Variants in HIPK4 observed in about 807,000 individuals in gnomAD.
HIPK4 encodes homeodomain interacting protein kinase 4.
A neutral mutation model predicts 44.8 loss-of-function variants in HIPK4; 26 were observed. The ratio of observed to expected loss-of-function variants is 0.58; its 90% confidence interval spans 0.43 to 0.80. The LOEUF (loss-of-function observed/expected upper bound fraction) is 0.80, where lower values mean the gene tolerates loss of function less well. Ranked by LOEUF, HIPK4 falls within the 30% of genes least tolerant of loss-of-function variation. HIPK4 has a pLI of 0.00. For missense variants in HIPK4, 729 were observed against 862.6 expected, an observed-to-expected ratio of 0.85 and a Z score of 1.94; for synonymous variants, 340 against 355.5, an observed-to-expected ratio of 0.96 and a Z score of 0.49.
intron 1 of HIPK4, among the ~76,000 whole-genome samples, chr19:40,388,582 C>A (rs1210306678): frequency 5.3e-5 from 8 of 152,154 alleles, no homozygotes; most frequent in Non-Finnish European, 8.8e-5. Flanking sequence ...CCTCTTGGGG[C>A]AGAATAATCC....
Position 40,389,706 on chromosome 19 carries a change from T to G in HIPK4, c.197A>C (p.Asp66Ala). 2 of 1,614,144 alleles carry G rather than the reference T, an allele frequency of 1.2e-6. No homozygotes were observed. The highest frequency in any genetic ancestry group is 1.7e-6 in the Non-Finnish European group (2 of 1,180,012). Residue 66 changes from aspartate to alanine, a missense_variant, in exon 1 of 4, where the codon GAC (aspartate) becomes GCC (alanine). By Grantham distance (126) the Asp-to-Ala change is moderately radical (BLOSUM62 -2). Around this residue, in one of 2 missense-constraint regions of HIPK4, gnomAD observed 196 missense variants for 295.1 expected, o/e 0.66. Coordinates refer to ENST00000291823, the MANE Select transcript of HIPK4 (RefSeq NM_144685.5). This position sits in a 1 kb window ranked among gnomAD's most constrained non-coding sequence, Gnocchi z 4.6. The part of the protein sequence containing the change: ...LKLLHCMRGL[D>A]PEEAHVIRFL... ...GCGGATGACGTGGGCCTCTTCAGGG[T>G]CTAGGCCTCGCATGCAGTGCAGCAG...
In HIPK4 at chr19:40,380,050, A is replaced by G. The variant is rs1268702200; in HGVS notation, c.1668+273T>C. 6.6e-6 allele frequency among the ~76,000 whole-genome samples: 1 copy of G among 152,086 alleles called. No homozygotes were observed. Among genetic ancestry groups the G allele is most frequent in the East Asian group, 1.9e-4 (1 of 5,180 alleles). On this transcript the variant is annotated intron_variant, in intron 3 of 3. Coordinates refer to ENST00000291823, the MANE Select transcript of HIPK4 (RefSeq NM_144685.5). The surrounding 1 kb of genome is among the most constrained non-coding windows in gnomAD (Gnocchi z 4.2). ...AATTTTTTGGTGCAGACGGGATCTCACTATGTTGCCCAGGCTCTTTATCAA... is the reference window on the plus strand; with the variant it reads ...AATTTTTTGGTGCAGACGGGATCTCGCTATGTTGCCCAGGCTCTTTATCAA...
rs1286419379 is a variant in HIPK4, at chr19:40,389,914, T to C, written c.-12A>G. 6.3e-7 allele frequency: 1 copy of C among 1,594,896 alleles called. No individual in the cohort carries two copies. The highest frequency in any genetic ancestry group is 8.5e-7 in the Non-Finnish European group (1 of 1,173,800). ...TGGATGGTGGACATGGTGCCGCTGC[T>C]GCCAGACACCGCCCTGCCCAGGCCC... is the stretch of plus-strand genomic sequence containing the variant. On this transcript the variant is annotated 5_prime_UTR_variant, in exon 1 of 4. Coordinates refer to ENST00000291823, the MANE Select transcript of HIPK4 (RefSeq NM_144685.5). This position sits in a 1 kb window ranked among gnomAD's most constrained non-coding sequence, Gnocchi z 4.6.
rs1007484808 is a variant in HIPK4, at chr19:40,384,215, T to C, written c.466-76A>G. ...GCCGAGCTGGGCCACCCCGGCATCTTTCACCTGGCATCTTCCTGCATCTGC... is the reference window on the plus strand; with the variant it reads ...GCCGAGCTGGGCCACCCCGGCATCTCTCACCTGGCATCTTCCTGCATCTGC... On this transcript the variant is annotated intron_variant, in intron 1 of 3. Coordinates refer to ENST00000291823, the MANE Select transcript of HIPK4 (RefSeq NM_144685.5). 6.4e-5 allele frequency: 73 copies of C among 1,134,356 alleles called. 1 individual carries two copies. Among genetic ancestry groups the C allele is most frequent in the Admixed American group, 1.6e-4 (7 of 44,192 alleles). The allele number at this position is 1,134,356 out of a possible 1,614,324, so 70.3% of individuals were successfully genotyped here.
Position 40,380,707 on chromosome 19 carries a change from C to T in HIPK4, c.1284G>A (p.Gln428=). The T allele has an allele frequency of 6.2e-7, 1 of 1,614,136 alleles. No individual in the cohort carries two copies. The highest frequency in any genetic ancestry group is 1.1e-5 in the South Asian group (1 of 91,088). Residue 428 remains glutamine (Q), a synonymous_variant, in exon 3 of 4, where the codon CAG becomes CAA. Coordinates refer to ENST00000291823, the MANE Select transcript of HIPK4 (RefSeq NM_144685.5). This position sits in a 1 kb window ranked among gnomAD's most constrained non-coding sequence, Gnocchi z 4.2. ...KAPGMQRAID[Q]LDDLSLQEAG... ...CCTCCTGCAGACTCAGGTCATCCAG[C>T]TGGTCGATGGCTCTTTGCATACCTG...
intron 2 of HIPK4, among the ~76,000 whole-genome samples, chr19:40,382,758 A>T (rs1249809457): frequency 6.6e-6 from 1 of 151,598 alleles, no homozygotes; most frequent in Non-Finnish European, 1.5e-5. Flanking sequence ...TTAAAAAAAT[A>T]TTTTTTTGGC....
At position 40,389,962 on chromosome 19, in the gene HIPK4, C is replaced by T. The variant is rs1033745148; in HGVS notation, c.-60G>A. Reference sequence around the variant, plus strand: ...CCCCTGTACCACTGGCTCTGCCGCCCAGGCCTCCCGCCTGGCTGCTGACAC... The same window carrying T: ...CCCCTGTACCACTGGCTCTGCCGCCTAGGCCTCCCGCCTGGCTGCTGACAC... On this transcript the variant is annotated 5_prime_UTR_variant, in exon 1 of 4. Coordinates refer to ENST00000291823, the MANE Select transcript of HIPK4 (RefSeq NM_144685.5). The surrounding 1 kb of genome is among the most constrained non-coding windows in gnomAD (Gnocchi z 4.6). 3.7e-6 allele frequency: 5 copies of T among 1,364,898 alleles called. No homozygotes were observed. The highest frequency in any genetic ancestry group is 5.0e-6 in the Non-Finnish European group (5 of 992,586). The allele number at this position is 1,364,898 out of a possible 1,614,324, so 84.5% of individuals were successfully genotyped here.
In HIPK4 at chr19:40,380,525, C is replaced by T. The variant is rs771162709; in HGVS notation, c.1466G>A (p.Arg489His). The change falls in exon 3 of 4, where the codon CGC becomes CAC. Residue 489 changes from arginine (R) to histidine (H), a missense_variant. By Grantham distance (29) the Arg-to-His change is conservative. Around this residue, in one of 2 missense-constraint regions of HIPK4, gnomAD observed 533 missense variants for 567.5 expected, o/e 0.94. Coordinates refer to ENST00000291823, the MANE Select transcript of HIPK4 (RefSeq NM_144685.5). This position sits in a 1 kb window ranked among gnomAD's most constrained non-coding sequence, Gnocchi z 4.2. ...SSRLAGRHKARKPPAGSKSDS... is the reference protein window; with the variant it reads ...SSRLAGRHKAHKPPAGSKSDS... ...GGACTTGGAACCCGCAGGTGGCTTG[C>T]GGGCCTTGTGGCGGCCTGCCAGGCG... 1.1e-5 allele frequency: 17 copies of T among 1,612,060 alleles called. No homozygotes were observed. Among genetic ancestry groups the T allele is most frequent in the African/African-American group, 1.3e-5 (1 of 74,946 alleles).
intron 1 of HIPK4, among the ~76,000 whole-genome samples, chr19:40,388,014 T>TG (rs1219230489): frequency 2.3e-4 from 1 of 4,410 alleles, no homozygotes; most frequent in East Asian, 0.014. Context: ...TTTAGTTTAG[T>TG]TTTTTTTTTT....
chr19:40,384,144 C>T lies in HIPK4; in HGVS notation c.466-5G>A, dbSNP rs141146445. ...GGCGGATCCGAAGTCAATCACCTGTCGGGGGTGGGGAAGAGGGCGAGTGGG... is the reference window on the plus strand; with the variant it reads ...GGCGGATCCGAAGTCAATCACCTGTTGGGGGTGGGGAAGAGGGCGAGTGGG... On this transcript the variant is annotated splice_polypyrimidine_tract_variant and splice_region_variant and intron_variant, in intron 1 of 3. Transcript: ENST00000291823. The T allele has an allele frequency of 7.5e-4, 1,180 of 1,564,680 alleles. 13 individuals are homozygous for T. The South Asian group carries it at 9.4e-3, about 13-fold the overall frequency.
At position 40,389,744 on chromosome 19, in the gene HIPK4, C is replaced by G. The variant is rs17853310; in HGVS notation, c.159G>C (p.Lys53Asn). Residue 53 changes from lysine (K) to asparagine (N), a missense_variant, in exon 1 of 4, where the codon AAG becomes AAC. Physicochemically the swap from Lys to Asn is moderately conservative, Grantham distance 94. This residue lies in a region of HIPK4 where 196 missense variants were observed against 295.1 expected (regional missense o/e 0.66). Coordinates refer to ENST00000291823, the MANE Select transcript of HIPK4 (RefSeq NM_144685.5). The surrounding 1 kb of genome is among the most constrained non-coding windows in gnomAD (Gnocchi z 4.6). ...TGCAGTGCAGCAGCTTCAGCTCGTTCTTGATGATGCGGTTGCGGTAGGCGT... is the reference window on the plus strand; with the variant it reads ...TGCAGTGCAGCAGCTTCAGCTCGTTGTTGATGATGCGGTTGCGGTAGGCGT... ...KNDAYRNRII[K>N]NELKLLHCMR... 1.2e-6 allele frequency: 2 copies of G among 1,614,238 alleles called. No individual in the cohort carries two copies. The highest frequency in any genetic ancestry group is 1.7e-6 in the Non-Finnish European group (2 of 1,180,044).
Position 40,380,577 on chromosome 19 carries a change from C to T in HIPK4, c.1414G>A (p.Glu472Lys). The change falls in exon 3 of 4, where the codon GAG becomes AAG. Residue 472 changes from glutamate to lysine, a missense_variant. Coordinates refer to ENST00000291823, the MANE Select transcript of HIPK4 (RefSeq NM_144685.5). The surrounding 1 kb of genome is among the most constrained non-coding windows in gnomAD (Gnocchi z 4.2). The part of the protein sequence containing the change: ...TGHHVPDSGP[E>K]PILAFYSSRL... ...CTGCTGTAGAAGGCCAGGATGGGCT[C>T]AGGGCCCGAGTCGGGCACATGGTGG... 6.2e-7 allele frequency: 1 copy of T among 1,612,764 alleles called. No individual in the cohort carries two copies. Among genetic ancestry groups the T allele is most frequent in the Non-Finnish European group, 8.5e-7 (1 of 1,179,874 alleles).
Position 40,389,623 on chromosome 19 carries a change from G to A in HIPK4, c.280C>T (p.Gln94Ter). ...KFYLVFELLE[Q>*]NLFEFQKENN... ...TCCTTCTGGAACTCGAAAAGGTTTT[G>A]CTCCAGCAGCTCAAAGACCAGGTAG... is the stretch of plus-strand genomic sequence containing the variant. Residue 94 changes from glutamine (Q) to a stop codon, truncating the protein, a stop_gained, in exon 1 of 4, where the codon CAA becomes TAA. Coordinates refer to ENST00000291823, the MANE Select transcript of HIPK4 (RefSeq NM_144685.5). LOFTEE classifies it high-confidence loss of function. The surrounding 1 kb of genome is among the most constrained non-coding windows in gnomAD (Gnocchi z 4.6). The A allele has an allele frequency of 6.2e-7, 1 of 1,614,144 alleles. No individual in the cohort carries two copies. The highest frequency in any genetic ancestry group is 8.5e-7 in the Non-Finnish European group (1 of 1,180,034).
chr19:40,381,102 C>T lies in HIPK4; in HGVS notation c.889G>A (p.Gly297Ser), dbSNP rs140926477. 509 of 1,611,132 alleles carry T rather than the reference C, an allele frequency of 3.2e-4. 4 individuals carry two copies. The Middle Eastern group carries it at 5.4e-3, about 17-fold the overall frequency. The change falls in exon 3 of 4, where the codon GGC (glycine) becomes AGC (serine). Residue 297 changes from glycine (G) to serine (S), a missense_variant. Physicochemically the swap from Gly to Ser is moderately conservative, Grantham distance 56. Coordinates refer to ENST00000291823, the MANE Select transcript of HIPK4 (RefSeq NM_144685.5). ...SLDQIETVNG[G>S]SVASRLTFPD... is the part of the protein sequence containing the mutation. ...AAGGTTAGCCGACTGGCCACACTGC[C>T]ACCATTCACTGTCTCAATCTGGTCC...
At chr19:40,386,500 T>G (rs2079363962) in intron 1 of HIPK4, among the ~76,000 whole-genome samples, 1 of 152,016 alleles carries the variant, frequency 6.6e-6, no homozygotes, top group South Asian at 2.1e-4. Flanking sequence ...ACCACAGGCA[T>G]GCACCTCCAT....
intron 1 of HIPK4, 42 bp from the exon 2 acceptor site, chr19:40,384,181 G>T: frequency 6.7e-7 from 1 of 1,496,476 alleles, no homozygotes; most frequent in Non-Finnish European, 9.1e-7. Context: ...AGGTCAAGCA[G>T]CAGGGACAGC....
rs757786495 is a variant in HIPK4 at position 40,380,939 on chromosome 19, T to A, written c.1052A>T (p.Gln351Leu). ...GGTGGTCTCGTGGGCACTGCGCAGC[T>A]GCTGCATGGACACGAAGGGGTGGCG... is the stretch of plus-strand genomic sequence containing the variant. ...ALRHPFVSMQ[Q>L]LRSAHETTHY... Residue 351 changes from glutamine (Q) to leucine (L), a missense_variant, in exon 3 of 4, where the codon CAG (glutamine) becomes CTG (leucine). This residue lies in a region of HIPK4 where 533 missense variants were observed against 567.5 expected (regional missense o/e 0.94). Transcript: ENST00000291823. The surrounding 1 kb of genome is among the most constrained non-coding windows in gnomAD (Gnocchi z 4.2). The A allele has an allele frequency of 6.2e-7, 1 of 1,610,466 alleles. No individual in the cohort carries two copies. Among genetic ancestry groups the A allele is most frequent in the Non-Finnish European group, 8.5e-7 (1 of 1,177,900 alleles).
At chr19:40,382,530 G>C (rs1266155311) in intron 2 of HIPK4, among the ~76,000 whole-genome samples, 1 of 152,098 alleles carries the variant, frequency 6.6e-6, no homozygotes, top group Non-Finnish European at 1.5e-5. Flanking sequence ...CACACTTATA[G>C]TATGACCCAG....
At position 40,383,826 on chromosome 19, in the gene HIPK4, G is replaced by A. The variant is rs1422037767; in HGVS notation, c.779C>T (p.Pro260Leu). 2 of 1,613,844 alleles carry A rather than the reference G, an allele frequency of 1.2e-6. No individual in the cohort carries two copies. Among genetic ancestry groups the A allele is most frequent in the South Asian group, 2.2e-5 (2 of 91,058 alleles). Residue 260 changes from proline to leucine, a missense_variant, in exon 2 of 4, where the codon CCC (proline) becomes CTC (leucine). This residue lies in a region of HIPK4 where 533 missense variants were observed against 567.5 expected (regional missense o/e 0.94). Coordinates refer to ENST00000291823, the MANE Select transcript of HIPK4 (RefSeq NM_144685.5). ...GTCAGCCGAGGACTTGAGCTGCCAG[G>A]GGTTGGCAGCGTCAGGGTGGGGGTT... ...KRNPHPDAANPWQLKSSADYL... is the reference protein window; with the variant it reads ...KRNPHPDAANLWQLKSSADYL...
Sources: gnomAD v4.1 joint callset for allele counts (sites outside exome capture counted in the v4.1 genomes callset) on GRCh38, gnomAD v4.1.1 for gene constraint, gnomAD v4.1.1 regional missense constraint, Gnocchi (gnomAD v3.1) non-coding constraint, MANE v1.5 for transcripts, NCBI Gene and HGNC (gene_info 2026-07-23, HGNC 2026-07-21) for gene names.